SEMA3A: variants seen among roughly 807,000 people sequenced by gnomAD.
The protein encoded by SEMA3A is semaphorin-3A.
SEMA3A carries 29 observed loss-of-function variants against 97.9 expected under a neutral mutation model. The observed-to-expected ratio is 0.30, with a 90% confidence interval of 0.22 to 0.40. The LOEUF is 0.40. Ranked by LOEUF, SEMA3A falls within the 10% of genes least tolerant of loss-of-function variation. SEMA3A has a pLI of 1.00. For synonymous variants in SEMA3A, 321 were observed against 323.7 expected (o/e 0.99, Z 0.09); for missense variants, 763 against 951.3 (o/e 0.80, Z 2.60).
intron 4 of SEMA3A, among the ~76,000 whole-genome samples, chr7:84,088,936 C>A (rs1794476825): frequency 6.7e-6 from 1 of 149,768 alleles, no homozygotes. Context: ...GGATTTTAAA[C>A]AGTGAGGGAG....
chr7:84,129,229 C>T (rs1273620606), intron 2 of SEMA3A, 44 bp from the exon 3 acceptor site: 1 of 1,471,252 alleles, frequency 6.8e-7, no homozygotes, highest in South Asian at 1.1e-5. Flanking sequence ...ACTAAGTTGT[C>T]TAAGAGATCC....
At chr7:84,028,742 C>T (rs141937284) in intron 6 of SEMA3A, among the ~76,000 whole-genome samples, 29 of 152,152 alleles carry the variant, frequency 1.9e-4, no homozygotes, top group African/African-American at 6.3e-4. Context: ...GTAGCTGGGA[C>T]TACAGGCGTG....
At chr7:84,051,185 C>A (rs1201848856) in intron 5 of SEMA3A, among the ~76,000 whole-genome samples, 17 of 149,054 alleles carry the variant, frequency 1.1e-4, no homozygotes, top group Non-Finnish European at 2.4e-4. Flanking sequence ...ATTGACTTTG[C>A]AATGCGGGCT....
At chr7:84,011,941 T>G (rs1397605726) in intron 7 of SEMA3A, among the ~76,000 whole-genome samples, 2 of 152,112 alleles carry the variant, frequency 1.3e-5, no homozygotes, top group African/African-American at 4.8e-5. Context: ...TGAGACAACA[T>G]GAATAAACCG....
At chr7:84,095,588 C>T (rs539203842) in intron 4 of SEMA3A, among the ~76,000 whole-genome samples, 70 of 149,894 alleles carry the variant, frequency 4.7e-4, no homozygotes, top group Middle Eastern at 6.9e-3. Flanking sequence ...CAACTAGTCT[C>T]CATTCTGTTC....
chr7:84,319,811 A>T (rs1355340063), intron 2 of SEMA3A, among the ~76,000 whole-genome samples: 2 of 152,190 alleles, frequency 1.3e-5, no homozygotes, highest in African/African-American at 4.8e-5. Context: ...AACGATTTAA[A>T]TGAAAAGCAC....
chr7:84,065,596 T>A (rs376544212), intron 4 of SEMA3A, among the ~76,000 whole-genome samples: 1 of 149,864 alleles, frequency 6.7e-6, no homozygotes, highest in Non-Finnish European at 1.5e-5. Context: ...ATATCACCAC[T>A]GATCCCACAG....
rs1257401402 is a variant in SEMA3A at position 84,386,962 on chromosome 7, T to C, written c.-245-15062A>G. 3.9e-5 allele frequency among the ~76,000 whole-genome samples: 6 copies of C among 152,058 alleles called. No homozygotes were observed. In the South Asian group the frequency reaches 1.0e-3, roughly 26 times the overall value. ...TTGCAGTGAGCCGAGATCGCACCAC[T>C]GCACTCCAGCCTGGGGGACAGAGCA... On this transcript the variant is annotated intron_variant, in intron 1 of 3. Coordinates refer to the SEMA3A transcript ENST00000424555.
At chr7:84,489,814 T>A (rs1806672989) in intron 1 of SEMA3A, among the ~76,000 whole-genome samples, 1 of 152,110 alleles carries the variant, frequency 6.6e-6, no homozygotes, top group South Asian at 2.1e-4. Context: ...CATGAAGTTA[T>A]TAAGTTATGT....
At chr7:84,215,925 A>G (rs1316144065) in intron 3 of SEMA3A, among the ~76,000 whole-genome samples, 1 of 151,526 alleles carries the variant, frequency 6.6e-6, no homozygotes, top group African/African-American at 2.4e-5. Flanking sequence ...GTACATATAG[A>G]TACACACACA....
chr7:84,299,644 A>C (rs958601052), intron 3 of SEMA3A, among the ~76,000 whole-genome samples: 1 of 151,750 alleles, frequency 6.6e-6, no homozygotes, highest in African/African-American at 2.4e-5. Context: ...AATGTAAATA[A>C]TGAACAAAAC....
intron 3 of SEMA3A, among the ~76,000 whole-genome samples, chr7:84,127,074 G>A (rs935146078): frequency 6.6e-6 from 1 of 151,880 alleles, no homozygotes; most frequent in Non-Finnish European, 1.5e-5. Flanking sequence ...TACTATGAAG[G>A]TGTAAAGGGA....
chr7:84,043,606 T>G (rs992574183), intron 6 of SEMA3A, among the ~76,000 whole-genome samples: 4 of 152,146 alleles, frequency 2.6e-5, no homozygotes, highest in Non-Finnish European at 5.9e-5. Flanking sequence ...ATTTATTTTA[T>G]GCATGAATGT....
chr7:83,973,144 C>T (rs12216596), intron 15 of SEMA3A, among the ~76,000 whole-genome samples: 55,467 of 151,798 alleles, frequency 0.37, 10,567 homozygotes, highest in Middle Eastern at 0.48. Flanking sequence ...AGTCTCTGTC[C>T]GAAATTTGGG....
At chr7:83,986,118 T>A (rs1789625781) in intron 12 of SEMA3A, among the ~76,000 whole-genome samples, 1 of 152,202 alleles carries the variant, frequency 6.6e-6, no homozygotes, top group African/African-American at 2.4e-5. Flanking sequence ...GTTGGTATTC[T>A]GCGAAAATTG....
chr7:84,382,315 CA>C (rs1270003032), intron 1 of SEMA3A, among the ~76,000 whole-genome samples: 1 of 151,678 alleles, frequency 6.6e-6, no homozygotes, highest in Non-Finnish European at 1.5e-5. Flanking sequence ...CCATGTTGGC[CA>C]AGATGGTCTG....
At chr7:84,016,144 G>A (rs944352332) in intron 6 of SEMA3A, among the ~76,000 whole-genome samples, 2 of 152,080 alleles carry the variant, frequency 1.3e-5, no homozygotes, top group African/African-American at 2.4e-5. Flanking sequence ...TAATTAATGT[G>A]ACATGTTAGG....
rs180748256 is a variant in SEMA3A, at chr7:84,045,736, G to A, written c.667+588C>T. ...CAGTGCCTGAAGTTCAGAAAACTGG[G>A]TTTCTGTTCTAAACAATCTTCTACT... On this transcript the variant is annotated intron_variant, in intron 6 of 16. Transcript: ENST00000265362. Among the ~76,000 whole-genome samples, 440 of 151,776 alleles carry A rather than the reference G, an allele frequency of 2.9e-3. 5 individuals are homozygous for A. The highest frequency in any genetic ancestry group is 1.0e-2 in the African/African-American group (414 of 41,420).
intron 2 of SEMA3A, among the ~76,000 whole-genome samples, chr7:84,313,626 G>C (rs1801420876): frequency 6.6e-6 from 1 of 151,076 alleles, no homozygotes; most frequent in Non-Finnish European, 1.5e-5. Flanking sequence ...ATTGGTATTT[G>C]TCATTACTTT....
Sources: gnomAD v4.1 joint callset for allele counts (sites outside exome capture counted in the v4.1 genomes callset) on GRCh38, gnomAD v4.1.1 for gene constraint, MANE v1.5 for transcripts, NCBI Gene and HGNC (gene_info 2026-07-23, HGNC 2026-07-21) for gene names.